The following TMEM182 variants were observed in gnomAD, a reference collection of about 807,000 sequenced individuals.
TMEM182 encodes transmembrane protein 182.
TMEM182 carries 20 observed loss-of-function variants against 26.8 expected under a neutral mutation model. That is an observed-to-expected ratio of 0.75 (90% CI 0.53 to 1.09). The LOEUF (loss-of-function observed/expected upper bound fraction) is 1.09. TMEM182 is among the 50% of genes least tolerant of loss of function. The pLI is 0.00. For synonymous variants in TMEM182, 109 were observed against 102.2 expected (o/e 1.07, Z -0.40); for missense variants, 277 against 275.5 (o/e 1.01, Z -0.04).
chr2:102,842,988 T>G (rs1023160624), intron 3 of TMEM182, among the ~76,000 whole-genome samples: 14 of 152,302 alleles, frequency 9.2e-5, no homozygotes, highest in African/African-American at 3.4e-4. Context: ...GGGTGGGCTT[T>G]TGATACAATG....
At chr2:102,748,064 GC>G (rs1679769052) in intron 1 of TMEM182, among the ~76,000 whole-genome samples, 1 of 152,138 alleles carries the variant, frequency 6.6e-6, no homozygotes, top group Admixed American at 6.5e-5. Flanking sequence ...CCATTTCGTA[GC>G]TCTCGTATCT....
upstream of TMEM182, chr2:102,757,424 A>C (rs1680076838): frequency 6.6e-6 from 1 of 152,196 alleles, no homozygotes; most frequent in Non-Finnish European, 1.5e-5. Flanking sequence ...GAAGATCTTT[A>C]ACTCCTCCAA....
At chr2:102,826,926 A>G (rs1454305950) in intron 3 of TMEM182, among the ~76,000 whole-genome samples, 2 of 152,240 alleles carry the variant, frequency 1.3e-5, no homozygotes, top group African/African-American at 4.8e-5. Flanking sequence ...TCCTAATTCA[A>G]TTAGTGCCTT....
chr2:102,816,540 T>A lies in TMEM182; in HGVS notation c.*1572T>A. 1.0e-6 allele frequency: 1 copy of A among 967,452 alleles called. No homozygotes were observed. Among genetic ancestry groups the A allele is most frequent in the Non-Finnish European group, 1.2e-6 (1 of 815,118 alleles). The allele number at this position is 967,452 out of a possible 1,614,324, so 59.9% of individuals were successfully genotyped here. On this transcript the variant is annotated 3_prime_UTR_variant, in exon 5 of 5. Coordinates refer to ENST00000412401, the MANE Select transcript of TMEM182 (RefSeq NM_144632.5). ...ATAATAATAATAATAATAATAATAA[T>A]AATAATAAAGCTCCAGAGGCCTAAC...
intron 3 of TMEM182, among the ~76,000 whole-genome samples, chr2:102,792,532 A>G (rs1681692741): frequency 6.6e-6 from 1 of 152,254 alleles, no homozygotes; most frequent in East Asian, 1.9e-4. Flanking sequence ...AACTCTATGC[A>G]ATTCTACAAG....
chr2:102,761,747 A>C (rs917965), upstream of TMEM182, among the ~76,000 whole-genome samples: 48,082 of 152,098 alleles, frequency 0.32, 8,477 homozygotes, highest in African/African-American at 0.48. Context: ...TTGGGATTGT[A>C]ATGGGCATTC....
Position 102,793,386 on chromosome 2 carries a change from C to G in TMEM182, c.332-4477C>G, listed in dbSNP as rs573206376. ...TGGTATGAGAACTTCGTAGAACTTTCTGTATCAGTAGTCTACTTTGCCCAA... is the reference window on the plus strand; with the variant it reads ...TGGTATGAGAACTTCGTAGAACTTTGTGTATCAGTAGTCTACTTTGCCCAA... On this transcript the variant is annotated intron_variant, in intron 3 of 4. Transcript: ENST00000412401. 6.0e-4 allele frequency among the ~76,000 whole-genome samples: 92 copies of G among 152,292 alleles called. 1 individual carries two copies. Among genetic ancestry groups the G allele is most frequent in the African/African-American group, 2.1e-3 (89 of 41,564 alleles).
chr2:102,829,199 G>C (rs1235766733), intron 3 of TMEM182, among the ~76,000 whole-genome samples: 1 of 152,126 alleles, frequency 6.6e-6, no homozygotes, highest in Admixed American at 6.5e-5. Context: ...CATGTATTTC[G>C]ACAGTGATGG....
At chr2:102,839,477 T>TATAATATAC in intron 3 of TMEM182, among the ~76,000 whole-genome samples, 1 of 126,020 alleles carries the variant, frequency 7.9e-6, no homozygotes, top group African/African-American at 3.0e-5. Context: ...ATATAATATA[T>TATAATATAC]ACACACAAAA....
chr2:102,773,050 C>G (rs1029457052), intron 3 of TMEM182, among the ~76,000 whole-genome samples: 3 of 152,020 alleles, frequency 2.0e-5, no homozygotes, highest in Non-Finnish European at 4.4e-5. Flanking sequence ...CACTGTCATC[C>G]TAGTACATGG....
intron 4 of TMEM182, among the ~76,000 whole-genome samples, chr2:102,798,410 T>C (rs1681974177): frequency 6.6e-6 from 1 of 152,224 alleles, no homozygotes; most frequent in Non-Finnish European, 1.5e-5. Context: ...CTGTAACATA[T>C]CAGCATATGA....
intron 4 of TMEM182, 36 bp downstream of exon 4, chr2:102,798,036 G>T (rs1236749522): frequency 1.3e-6 from 2 of 1,570,980 alleles, no homozygotes; most frequent in South Asian, 2.4e-5. Flanking sequence ...TTTCAGCCAC[G>T]GTTTTTCTTC....
intron 3 of TMEM182, among the ~76,000 whole-genome samples, chr2:102,794,081 G>GA (rs1332830878): frequency 2.0e-5 from 3 of 151,850 alleles, no homozygotes; most frequent in Non-Finnish European, 4.4e-5. Context: ...AAGAGAAAAA[G>GA]AAAAAAAGAA....
chr2:102,763,148 G>A (rs939145058), intron 2 of TMEM182, among the ~76,000 whole-genome samples: 2 of 151,886 alleles, frequency 1.3e-5, no homozygotes, highest in African/African-American at 4.8e-5. Context: ...AAAAATCATG[G>A]AACTTAATTA....
At chr2:102,738,933 A>G (rs1022780376) in intron 1 of TMEM182, among the ~76,000 whole-genome samples, 2 of 152,200 alleles carry the variant, frequency 1.3e-5, no homozygotes, top group African/African-American at 4.8e-5. Flanking sequence ...GAGTGGATTT[A>G]TTATGTATGA....
chr2:102,811,020 T>A (rs1682537005), intron 4 of TMEM182, among the ~76,000 whole-genome samples: 1 of 131,200 alleles, frequency 7.6e-6, no homozygotes. Flanking sequence ...AAGACTCCGT[T>A]CAAGTTTTTC....
intron 1 of TMEM182, among the ~76,000 whole-genome samples, chr2:102,747,958 T>TG (rs1269823537): frequency 3.3e-5 from 5 of 151,310 alleles, no homozygotes; most frequent in Admixed American, 6.6e-5. Context: ...TGTGTGTGTG[T>TG]TTTTTTTTCC....
At chr2:102,803,602 A>G (rs1371052346) in intron 4 of TMEM182, among the ~76,000 whole-genome samples, 2 of 152,220 alleles carry the variant, frequency 1.3e-5, no homozygotes, top group East Asian at 3.9e-4. Flanking sequence ...TGGATACATA[A>G]TACGTAATTC....
chr2:102,763,007 G>A (rs1436857049), intron 2 of TMEM182, among the ~76,000 whole-genome samples: 1 of 152,106 alleles, frequency 6.6e-6, no homozygotes, highest in Non-Finnish European at 1.5e-5. Flanking sequence ...TTTCAAGTGT[G>A]TGAATACTAT....
Sources: allele counts gnomAD v4.1 joint callset (sites outside exome capture counted in the v4.1 genomes callset), GRCh38; gene constraint gnomAD v4.1.1; transcripts MANE v1.5; gene names NCBI Gene and HGNC (gene_info 2026-07-23, HGNC 2026-07-21).